CACNA2D3: variants seen among roughly 807,000 people sequenced by gnomAD.
The protein encoded by CACNA2D3 is voltage-dependent calcium channel subunit alpha-2/delta-3.
Under a neutral mutation model 160.6 loss-of-function variants are expected in CACNA2D3, and 60 were observed. The ratio of observed to expected loss-of-function variants is 0.37; its 90% CI spans 0.30 to 0.46. The LOEUF is 0.46. CACNA2D3 is among the 20% of genes least tolerant of loss of function. The pLI, the probability that CACNA2D3 is intolerant of heterozygous loss-of-function variation, is 1.00. For synonymous variants in CACNA2D3, 558 were observed against 492.9 expected, an observed-to-expected ratio of 1.13 and a Z score of -1.75; for missense variants, 1,205 against 1,365.0, an observed-to-expected ratio of 0.88 and a Z score of 1.85.
At position 54,985,954 on chromosome 3, in the gene CACNA2D3, T is replaced by C. The variant is rs373875916; in HGVS notation, c.2619+1284T>C. ...CATGGGACAGTCCGTGGACATTAGA[T>C]AGGATGAATGGGCCCATGAAACAAG... is the stretch of plus-strand genomic sequence containing the variant. On this transcript the variant is annotated intron_variant, in intron 30 of 37. Coordinates refer to ENST00000474759, the MANE Select transcript of CACNA2D3 (RefSeq NM_018398.3). Among the ~76,000 whole-genome samples, 155 of 152,262 alleles carry C rather than the reference T, an allele frequency of 1.0e-3. 2 individuals are homozygous for C. The highest frequency in any genetic ancestry group is 3.5e-3 in the African/African-American group (144 of 41,546).
chr3:55,042,821 G>A (rs187749752), intron 35 of CACNA2D3, among the ~76,000 whole-genome samples: 4 of 152,150 alleles, frequency 2.6e-5, no homozygotes, highest in African/African-American at 4.8e-5. Flanking sequence ...ACAGCTCATC[G>A]GAAACCATGA....
At chr3:54,391,307 T>C (rs1333521931) in intron 4 of CACNA2D3, among the ~76,000 whole-genome samples, 1 of 152,214 alleles carries the variant, frequency 6.6e-6, no homozygotes, top group Admixed American at 6.5e-5. Flanking sequence ...CGTGACCTTA[T>C]GGCTTGGACA....
chr3:55,033,744 T>TA lies in CACNA2D3; in HGVS notation c.2987+15428dup, dbSNP rs1270088471. On this transcript the variant is annotated intron_variant, in intron 35 of 37. Coordinates refer to ENST00000474759, the MANE Select transcript of CACNA2D3 (RefSeq NM_018398.3). ...TATATTAAATATATTTTATATAATATATATTATATTAAATATATATTATAT... is the reference window on the plus strand; with the variant it reads ...TATATTAAATATATTTTATATAATATAATATTATATTAAATATATATTATAT... 1.5e-4 allele frequency among the ~76,000 whole-genome samples: 16 copies of TA among 110,016 alleles called. 1 individual carries two copies. Among genetic ancestry groups the TA allele is most frequent in the African/African-American group, 5.2e-4 (16 of 31,018 alleles). 72.2% of individuals were successfully genotyped at this position (110,016 alleles called of 152,430 possible). A position where few individuals can be genotyped will look rare whatever the true frequency, so the allele number is the denominator to read the frequency against.
intron 5 of CACNA2D3, among the ~76,000 whole-genome samples, chr3:54,510,485 A>T (rs1701443322): frequency 6.6e-6 from 1 of 152,142 alleles, no homozygotes; most frequent in South Asian, 2.1e-4. Context: ...GGTACAGGTG[A>T]TTCTTTCCCA....
chr3:54,810,541 C>G (rs186694327), intron 13 of CACNA2D3, among the ~76,000 whole-genome samples: 29 of 152,300 alleles, frequency 1.9e-4, no homozygotes, highest in Admixed American at 1.2e-3. Flanking sequence ...ACCTCAGCAG[C>G]AAGCAGGGAT....
intron 35 of CACNA2D3, among the ~76,000 whole-genome samples, chr3:55,060,121 A>G (rs1448705507): frequency 6.6e-6 from 1 of 152,012 alleles, no homozygotes; most frequent in African/African-American, 2.4e-5. Context: ...CCTACGCAGT[A>G]TTTACTTGCC....
chr3:54,503,796 A>G, intron 5 of CACNA2D3, 142 bp downstream of exon 5: 1 of 691,220 alleles, frequency 1.4e-6, no homozygotes, highest in Non-Finnish European at 2.4e-6. Context: ...GTCAGGTATC[A>G]ACTGGATAGG....
intron 11 of CACNA2D3, among the ~76,000 whole-genome samples, chr3:54,696,091 T>G (rs1029249093): frequency 1.3e-5 from 2 of 151,800 alleles, no homozygotes; most frequent in Admixed American, 1.3e-4. Flanking sequence ...GGTCGGGGAG[T>G]GGGTTGTGTT....
chr3:54,466,274 T>C (rs1700624523), intron 4 of CACNA2D3, among the ~76,000 whole-genome samples: 1 of 152,218 alleles, frequency 6.6e-6, no homozygotes. Context: ...GTATAAATTT[T>C]TTTTTGATGT....
At chr3:55,015,775 T>C (rs1188967475) in intron 34 of CACNA2D3, among the ~76,000 whole-genome samples, 1 of 152,078 alleles carries the variant, frequency 6.6e-6, no homozygotes, top group Admixed American at 6.6e-5. Flanking sequence ...GGAGAGCAAA[T>C]GAGAGAAAGA....
rs1181227772 is a variant in CACNA2D3 at position 54,292,169 on chromosome 3, A to G, written c.205-28273A>G. On this transcript the variant is annotated intron_variant, in intron 2 of 37. Transcript: ENST00000474759. ...CTCATACCATACACAAAAATGAGTC[A>G]AAAAACCTAAATGTTAGACCAAAGG... is the stretch of plus-strand genomic sequence containing the variant. Among the ~76,000 whole-genome samples, 8 of 152,306 alleles carry G rather than the reference A, an allele frequency of 5.3e-5. No individual in the cohort carries two copies. The East Asian group carries it at 1.5e-3, about 29-fold the overall frequency.
At chr3:54,718,989 T>A (rs1043869864) in intron 11 of CACNA2D3, among the ~76,000 whole-genome samples, 1 of 152,028 alleles carries the variant, frequency 6.6e-6, no homozygotes, top group African/African-American at 2.4e-5. Context: ...TTTATAATGA[T>A]CTTGTGTACA....
intron 4 of CACNA2D3, among the ~76,000 whole-genome samples, chr3:54,459,514 G>A (rs536934109): frequency 2.0e-5 from 3 of 151,910 alleles, no homozygotes; most frequent in Non-Finnish European, 2.9e-5. Context: ...GCATTTCTCT[G>A]ATGGCCAGTG....
At chr3:54,929,423 T>C (rs115790536) in intron 27 of CACNA2D3, among the ~76,000 whole-genome samples, 1,724 of 152,304 alleles carry the variant, frequency 0.011, 34 homozygotes, top group African/African-American at 0.039. Flanking sequence ...ACCTGGCCCT[T>C]CGTGCCACTC....
At chr3:54,550,677 A>G (rs557338000) in intron 5 of CACNA2D3, among the ~76,000 whole-genome samples, 2 of 152,306 alleles carry the variant, frequency 1.3e-5, no homozygotes, top group African/African-American at 4.8e-5. Context: ...TGTTGCAGTC[A>G]ACAGAATTTC....
chr3:54,723,558 G>A (rs529769662), intron 11 of CACNA2D3, among the ~76,000 whole-genome samples: 2 of 152,352 alleles, frequency 1.3e-5, no homozygotes, highest in South Asian at 4.1e-4. Context: ...TGTGGGTTGT[G>A]AAAATCATAG....
At chr3:54,332,143 A>G (rs1378343284) in intron 3 of CACNA2D3, among the ~76,000 whole-genome samples, 2 of 152,224 alleles carry the variant, frequency 1.3e-5, no homozygotes, top group African/African-American at 4.8e-5. Context: ...ACAACAACAC[A>G]AAGAGCTCAC....
intron 2 of CACNA2D3, among the ~76,000 whole-genome samples, chr3:54,304,807 A>G (rs1023204793): frequency 3.3e-5 from 5 of 152,190 alleles, no homozygotes; most frequent in Non-Finnish European, 7.3e-5. Context: ...TTTAAAAGCT[A>G]TGTCACAAAG....
chr3:54,516,070 A>G (rs1384959639), intron 5 of CACNA2D3, among the ~76,000 whole-genome samples: 1 of 152,172 alleles, frequency 6.6e-6, no homozygotes, highest in Non-Finnish European at 1.5e-5. Context: ...GACATGTGTC[A>G]TTGGGGGTTT....
Sources: gnomAD v4.1 joint callset for allele counts (sites outside exome capture counted in the v4.1 genomes callset) on GRCh38, gnomAD v4.1.1 for gene constraint, MANE v1.5 for transcripts, NCBI Gene and HGNC (gene_info 2026-07-23, HGNC 2026-07-21) for gene names.